HDAC9: variants seen among roughly 807,000 people sequenced by gnomAD.
HDAC9 encodes the protein MEF-2 interacting transcription repressor (MITR) protein.
A neutral mutation model predicts 139.4 loss-of-function variants in HDAC9; 41 were observed. The observed-to-expected ratio is 0.29, with a 90% CI of 0.23 to 0.38. The LOEUF is 0.38. HDAC9 is among the 10% of genes least tolerant of loss of function. HDAC9 has a pLI of 1.00. For synonymous variants in HDAC9, 517 were observed against 476.2 expected (o/e 1.09, Z -1.12); for missense variants, 1,147 against 1,297.0 (o/e 0.88, Z 1.78).
chr7:18,186,669 GC>G (rs1789940722), intron 2 of HDAC9, among the ~76,000 whole-genome samples: 1 of 152,172 alleles, frequency 6.6e-6, no homozygotes, highest in South Asian at 2.1e-4. Context: ...TGCTCTTCAT[GC>G]CCTGAAAGTC....
At chr7:18,641,619 G>T (rs190104221) in intron 8 of HDAC9, among the ~76,000 whole-genome samples, 1 of 152,042 alleles carries the variant, frequency 6.6e-6, no homozygotes, top group Non-Finnish European at 1.5e-5. Context: ...GATTAAAACC[G>T]TCATTTCCAT....
chr7:18,810,272 G>A (rs1468698549), intron 17 of HDAC9, among the ~76,000 whole-genome samples: 1 of 151,882 alleles, frequency 6.6e-6, no homozygotes, highest in Non-Finnish European at 1.5e-5. Flanking sequence ...TTGAGCTCAT[G>A]TGCATAATTC....
chr7:18,422,275 A>G (rs1562970802), intron 1 of HDAC9, among the ~76,000 whole-genome samples: 1 of 152,124 alleles, frequency 6.6e-6, no homozygotes, highest in African/African-American at 2.4e-5. Flanking sequence ...GCTTCATTTA[A>G]TCCTATTCTA....
chr7:18,872,501 C>A (rs1317746943), intron 21 of HDAC9, among the ~76,000 whole-genome samples: 1 of 152,098 alleles, frequency 6.6e-6, no homozygotes, highest in African/African-American at 2.4e-5. Context: ...GTGAATGGGG[C>A]TTTTTGACCA....
chr7:18,151,201 G>A (rs934886089), intron 1 of HDAC9, among the ~76,000 whole-genome samples: 17 of 152,136 alleles, frequency 1.1e-4, no homozygotes, highest in Non-Finnish European at 2.4e-4. Context: ...TAGATTTTCA[G>A]TTTCAAAGGT....
At chr7:18,979,881 C>A (rs1166142571) in intron 25 of HDAC9, among the ~76,000 whole-genome samples, 1 of 152,152 alleles carries the variant, frequency 6.6e-6, no homozygotes, top group African/African-American at 2.4e-5. Context: ...GGATCTGCCT[C>A]CATGATCCAA....
At chr7:18,872,425 T>A (rs561246184) in intron 21 of HDAC9, among the ~76,000 whole-genome samples, 1 of 152,098 alleles carries the variant, frequency 6.6e-6, no homozygotes, top group Non-Finnish European at 1.5e-5. Flanking sequence ...CCCCTGTAAG[T>A]GGGTAAGATG....
At chr7:18,303,197 G>A (rs1175333946) in intron 1 of HDAC9, among the ~76,000 whole-genome samples, 1 of 152,052 alleles carries the variant, frequency 6.6e-6, no homozygotes, top group African/African-American at 2.4e-5. Context: ...TTTCAGAGAT[G>A]GCAAATGGGT....
intron 1 of HDAC9, among the ~76,000 whole-genome samples, chr7:18,413,724 C>A (rs1780164732): frequency 1.3e-5 from 2 of 152,108 alleles, no homozygotes; most frequent in African/African-American, 4.8e-5. Context: ...GGCTGGGAAT[C>A]ACTATTCTGT....
chr7:18,954,411 C>T (rs1192568611), intron 24 of HDAC9, 181 bp downstream of exon 24: 5 of 505,022 alleles, frequency 9.9e-6, no homozygotes, highest in East Asian at 3.5e-5. Context: ...GATGACAAAA[C>T]GTAGAGACTC....
chr7:18,861,170 T>C (rs1798074562), intron 21 of HDAC9, among the ~76,000 whole-genome samples: 1 of 152,204 alleles, frequency 6.6e-6, no homozygotes, highest in South Asian at 2.1e-4. Flanking sequence ...ATTTCTATGC[T>C]TTTATACAAT....
At chr7:18,469,079 C>T (rs1388460591) in intron 1 of HDAC9, among the ~76,000 whole-genome samples, 1 of 152,128 alleles carries the variant, frequency 6.6e-6, no homozygotes, top group Non-Finnish European at 1.5e-5. Flanking sequence ...ATTGTGGTGG[C>T]CTCTGGGTTT....
intron 12 of HDAC9, among the ~76,000 whole-genome samples, chr7:18,724,783 A>C (rs1223263972): frequency 6.6e-6 from 1 of 152,138 alleles, no homozygotes; most frequent in East Asian, 1.9e-4. Context: ...CTTACTAGAG[A>C]ATAAGCATAA....
At chr7:18,570,074 AT>A (rs1265171248) in intron 2 of HDAC9, among the ~76,000 whole-genome samples, 2 of 152,286 alleles carry the variant, frequency 1.3e-5, no homozygotes, top group East Asian at 3.9e-4. Context: ...ACCCAATGGG[AT>A]TTAGTTAATC....
At chr7:18,949,942 TAAAC>T (rs1455590613) in intron 23 of HDAC9, among the ~76,000 whole-genome samples, 1 of 152,094 alleles carries the variant, frequency 6.6e-6, no homozygotes, top group East Asian at 1.9e-4. Flanking sequence ...ACAAAAGCAT[TAAAC>T]AAACCAAATA....
intron 2 of HDAC9, among the ~76,000 whole-genome samples, chr7:18,499,969 T>C (rs1016355051): frequency 6.6e-6 from 1 of 152,148 alleles, no homozygotes; most frequent in Non-Finnish European, 1.5e-5. Context: ...GTTCCTGTCA[T>C]GTCAAGAATC....
At chr7:18,274,809 C>T (rs1796610957) in intron 2 of HDAC9, among the ~76,000 whole-genome samples, 2 of 152,114 alleles carry the variant, frequency 1.3e-5, no homozygotes, top group Admixed American at 6.6e-5. Context: ...CTATGCATAA[C>T]ACTGCTATAT....
intron 12 of HDAC9, among the ~76,000 whole-genome samples, chr7:18,698,654 G>T (rs1262805275): frequency 6.6e-6 from 1 of 152,126 alleles, no homozygotes; most frequent in Non-Finnish European, 1.5e-5. Context: ...CCAGTTCCTG[G>T]CATCTGTAAA....
intron 25 of HDAC9, among the ~76,000 whole-genome samples, chr7:18,994,206 G>C (rs1252039032): frequency 1.3e-5 from 2 of 152,098 alleles, no homozygotes; most frequent in Non-Finnish European, 2.9e-5. Flanking sequence ...CCTGGATTCG[G>C]GGGAAAAGAT....
Sources: allele counts gnomAD v4.1 joint callset (sites outside exome capture counted in the v4.1 genomes callset), GRCh38; gene constraint gnomAD v4.1.1; transcripts MANE v1.5; gene names NCBI Gene and HGNC (gene_info 2026-07-23, HGNC 2026-07-21).